HMCN2: variants seen among roughly 807,000 people sequenced by gnomAD.
HMCN2 encodes hemicentin 2.
In HMCN2, 325 loss-of-function variants were observed where a neutral mutation model predicts 377.5. The ratio of observed to expected loss-of-function variants is 0.86; its 90% CI spans 0.79 to 0.94. HMCN2 has a LOEUF of 0.94. Ranked by LOEUF, HMCN2 falls within the 40% of genes least tolerant of loss-of-function variation. HMCN2 has a pLI of 0.00. For synonymous variants in HMCN2, 2,007 were observed against 2,046.8 expected (o/e 0.98, Z 0.53); for missense variants, 4,543 against 4,725.3 (o/e 0.96, Z 1.13).
chr9:130,284,487 G>T (rs765160687), intron 1 of HMCN2, 116 bp from the exon 2 acceptor site: 122 of 429,068 alleles, frequency 2.8e-4, no homozygotes, highest in Non-Finnish European at 5.5e-4. Flanking sequence ...TCCCCGTCTT[G>T]TGTGCCAGCC....
chr9:130,345,293 G>A (rs1839319860), intron 25 of HMCN2, among the ~76,000 whole-genome samples: 1 of 144,494 alleles, frequency 6.9e-6, no homozygotes, highest in African/African-American at 2.6e-5. Flanking sequence ...GTGTGTACGT[G>A]GTGTGTGGTG....
chr9:130,417,253 C>T (rs7030258), intron 85 of HMCN2, among the ~76,000 whole-genome samples: 57,203 of 151,810 alleles, frequency 0.38, 11,499 homozygotes, highest in Non-Finnish European at 0.45. Context: ...CGGACATGGT[C>T]GCTCATGACT....
At position 130,379,439 on chromosome 9, in the gene HMCN2, G is replaced by C. The variant is rs1352053371; in HGVS notation, c.8403G>C (p.Ser2801=). ...LTWYREDQPL[S]AGDEVSVLQG... The stretch of plus-strand genomic sequence containing the variant: ...GGTACAGAGAGGATCAGCCCCTCTC[G>C]GCCGGGGATGAGGTGTCTGTGCTGC... The change falls in exon 54 of 98, where the codon TCG becomes TCC. Residue 2801 remains serine, a synonymous_variant. Coordinates refer to ENST00000683500, the MANE Select transcript of HMCN2 (RefSeq NM_001291815.2). The C allele has an allele frequency of 1.0e-5, 10 of 985,710 alleles. No individual in the cohort carries two copies. Among genetic ancestry groups the C allele is most frequent in the African/African-American group, 1.7e-5 (1 of 57,222 alleles). 61.1% of individuals were successfully genotyped at this position (985,710 alleles called of 1,614,324 possible). A position where few individuals can be genotyped will look rare whatever the true frequency, so the allele number is the denominator to read the frequency against.
chr9:130,377,682 G>T lies in HMCN2; in HGVS notation c.8095G>T (p.Gly2699Cys). 1.0e-6 allele frequency: 1 copy of T among 985,946 alleles called. No individual in the cohort carries two copies. The highest frequency in any genetic ancestry group is 1.2e-6 in the Non-Finnish European group (1 of 829,986). The allele number at this position is 985,946 out of a possible 1,614,324, so 61.1% of individuals were successfully genotyped here. A position where few individuals can be genotyped will look rare whatever the true frequency, so the allele number is the denominator to read the frequency against. Reference sequence around the variant, plus strand: ...CCCCAGCTCGCGGCTGCAGGTCCTGGGTGAAGGGCGACTGCTCCAGATCCA... The same window carrying T: ...CCCCAGCTCGCGGCTGCAGGTCCTGTGTGAAGGGCGACTGCTCCAGATCCA... ...VTPSSRLQVL[G>C]EGRLLQIQPT... is the part of the protein sequence containing the mutation. The change falls in exon 53 of 98, where the codon GGT becomes TGT. Residue 2699 changes from glycine (G) to cysteine (C), a missense_variant. Gly to Cys is a radical substitution (Grantham distance 159). Transcript: ENST00000683500.
In HMCN2 at chr9:130,349,078, G is replaced by C; in HGVS notation, c.4250G>C (p.Arg1417Pro). The C allele has an allele frequency of 7.7e-7, 1 of 1,304,188 alleles. No homozygotes were observed. Among genetic ancestry groups the C allele is most frequent in the Non-Finnish European group, 1.0e-6 (1 of 988,920 alleles). The allele number at this position is 1,304,188 out of a possible 1,614,324, so 80.8% of individuals were successfully genotyped here. Residue 1417 changes from arginine (R) to proline (P), a missense_variant, in exon 28 of 98, where the codon CGG (arginine) becomes CCG (proline). Coordinates refer to ENST00000683500, the MANE Select transcript of HMCN2 (RefSeq NM_001291815.2). ...QEGDSGLYSC[R>P]AENQAGTAQR... is the part of the protein sequence containing the mutation. ...GGTGATTCTGGGCTCTACTCCTGCC[G>C]GGCAGAGAACCAGGCTGGCACCGCC...
rs1445507765 is a variant in HMCN2, at chr9:130,395,271, A to G, written c.10835A>G (p.Gln3612Arg). 15 of 1,289,248 alleles carry G rather than the reference A, an allele frequency of 1.2e-5. No individual in the cohort carries two copies. Among genetic ancestry groups the G allele is most frequent in the Non-Finnish European group, 1.5e-5 (15 of 988,694 alleles). 79.9% of individuals were successfully genotyped at this position (1,289,248 alleles called of 1,614,324 possible). A position where few individuals can be genotyped will look rare whatever the true frequency, so the allele number is the denominator to read the frequency against. Reference sequence around the variant, plus strand: ...TTTGTGGTCGGCCTGGCCCCAGGGCAGCTGGTCCTGGAGTGTTCGGTGGAG... The same window carrying G: ...TTTGTGGTCGGCCTGGCCCCAGGGCGGCTGGTCCTGGAGTGTTCGGTGGAG... ...PRFVVGLAPG[Q>R]LVLECSVEAE... Residue 3612 changes from glutamine (Q) to arginine (R), a missense_variant, in exon 71 of 98, where the codon CAG becomes CGG. Physicochemically the swap from Gln to Arg is conservative, Grantham distance 43 (BLOSUM62 1). Coordinates refer to ENST00000683500, the MANE Select transcript of HMCN2 (RefSeq NM_001291815.2).
At chr9:130,410,191 C>T (rs1843336778) in intron 84 of HMCN2, among the ~76,000 whole-genome samples, 1 of 152,182 alleles carries the variant, frequency 6.6e-6, no homozygotes, top group Non-Finnish European at 1.5e-5. Context: ...CAATGTCTCC[C>T]AAACTTACTT....
At chr9:130,344,756 G>C (rs1465147239) in intron 25 of HMCN2, among the ~76,000 whole-genome samples, 1 of 142,484 alleles carries the variant, frequency 7.0e-6, no homozygotes, top group Non-Finnish European at 1.5e-5. Flanking sequence ...GTGTGTGTAT[G>C]GTGTTTTGTG....
intron 1 of HMCN2, among the ~76,000 whole-genome samples, chr9:130,272,664 T>C (rs553863981): frequency 5.3e-5 from 8 of 152,198 alleles, no homozygotes; most frequent in Admixed American, 5.2e-4. Flanking sequence ...TCCTCCCACT[T>C]CACCCCCAGA....
In HMCN2 at chr9:130,394,447, A is replaced by G. The variant is rs1003316937; in HGVS notation, c.10564A>G (p.Met3522Val). The part of the protein sequence containing the change: ...TELSLTPGAP[M>V]ELLCDAQGTP... ...GCTGTCGCTGACCCCCGGCGCCCCCATGGAGCTCCTCTGTGATGCCCAGGG... is the reference window on the plus strand; with the variant it reads ...GCTGTCGCTGACCCCCGGCGCCCCCGTGGAGCTCCTCTGTGATGCCCAGGG... The change falls in exon 69 of 98, where the codon ATG (methionine) becomes GTG (valine). Residue 3522 changes from methionine to valine, a missense_variant. Met to Val is a conservative substitution (Grantham distance 21). Around this residue, in one of 5 missense-constraint regions of HMCN2, gnomAD observed 1,073 missense variants for 1,319.5 expected, o/e 0.81. Transcript: ENST00000683500. The surrounding 1 kb of genome is among the most constrained non-coding windows in gnomAD (Gnocchi z 5.1). 3.1e-6 allele frequency: 4 copies of G among 1,289,684 alleles called. No individual in the cohort carries two copies. Among genetic ancestry groups the G allele is most frequent in the East Asian group, 5.6e-5 (1 of 18,018 alleles). The allele number at this position is 1,289,684 out of a possible 1,614,324, so 79.9% of individuals were successfully genotyped here. A position where few individuals can be genotyped will look rare whatever the true frequency, so the allele number is the denominator to read the frequency against.
At chr9:130,280,533 G>C (rs1376468176) in intron 1 of HMCN2, among the ~76,000 whole-genome samples, 5 of 152,048 alleles carry the variant, frequency 3.3e-5, no homozygotes, top group African/African-American at 1.2e-4. Flanking sequence ...AGGAAACTGA[G>C]ACAGAGGCCA....
At chr9:130,316,676 A>G (rs1371512954) in intron 15 of HMCN2, among the ~76,000 whole-genome samples, 4 of 152,140 alleles carry the variant, frequency 2.6e-5, no homozygotes, top group Non-Finnish European at 4.4e-5. Flanking sequence ...GCCCCAGAAA[A>G]CTGACTGTGG....
intron 14 of HMCN2, 141 bp from the exon 15 acceptor site, chr9:130,309,771 G>A (rs570246524): frequency 9.2e-6 from 3 of 327,156 alleles, no homozygotes; most frequent in African/African-American, 2.2e-5. Flanking sequence ...CTGACCTTGG[G>A]GCTTAAACCT....
chr9:130,325,259 C>G (rs1838073357), intron 19 of HMCN2, among the ~76,000 whole-genome samples: 1 of 151,696 alleles, frequency 6.6e-6, no homozygotes, highest in Admixed American at 6.6e-5. Context: ...CCATGCACAG[C>G]TAATTTTTGT....
At position 130,427,588 on chromosome 9, in the gene HMCN2, C is replaced by T. The variant is rs1007208316; in HGVS notation, c.14034C>T (p.Phe4678=). ...TCTCCTGCACCTGCCCCACTGGCTTCGCCCTGGCCTGGGATGACAGGAACT... is the reference window on the plus strand; with the variant it reads ...TCTCCTGCACCTGCCCCACTGGCTTTGCCCTGGCCTGGGATGACAGGAACT... The part of the protein sequence containing the change: ...GRFSCTCPTG[F]ALAWDDRNCR... Residue 4678 remains phenylalanine (F), a synonymous_variant, in exon 92 of 98, where the codon TTC becomes TTT. Transcript: ENST00000683500. 7.7e-6 allele frequency: 12 copies of T among 1,550,464 alleles called. No homozygotes were observed. The highest frequency in any genetic ancestry group is 5.9e-5 in the Admixed American group (3 of 51,010).
chr9:130,406,113 C>A lies in HMCN2; in HGVS notation c.12498C>A (p.Ala4166=), dbSNP rs1396552229. ...ACAGGCTGTGGCTTCGCTGTGCAGCCCGGGGCAGCCCCACCCCTCGCATTG... is the reference window on the plus strand; with the variant it reads ...ACAGGCTGTGGCTTCGCTGTGCAGCACGGGGCAGCCCCACCCCTCGCATTG... ...LGDRLWLRCA[A]RGSPTPRIGW... is the part of the protein sequence containing the mutation. The change falls in exon 82 of 98, where the codon GCC becomes GCA. Residue 4166 remains alanine (A), a synonymous_variant. Coordinates refer to ENST00000683500, the MANE Select transcript of HMCN2 (RefSeq NM_001291815.2). 2 of 1,289,840 alleles carry A rather than the reference C, an allele frequency of 1.6e-6. No homozygotes were observed. Among genetic ancestry groups the A allele is most frequent in the Middle Eastern group, 2.1e-4 (1 of 4,696 alleles). The allele number at this position is 1,289,840 out of a possible 1,614,324, so 79.9% of individuals were successfully genotyped here.
intron 48 of HMCN2, among the ~76,000 whole-genome samples, chr9:130,374,148 T>C (rs750843057): frequency 6.0e-5 from 9 of 149,200 alleles, no homozygotes; most frequent in African/African-American, 9.9e-5. Context: ...GATGAATGGA[T>C]GATTGATTGA....
intron 22 of HMCN2, among the ~76,000 whole-genome samples, chr9:130,336,678 G>A (rs1588262475): frequency 6.6e-6 from 1 of 152,140 alleles, no homozygotes; most frequent in Non-Finnish European, 1.5e-5. Flanking sequence ...CTGGATGCTC[G>A]GGACAAAAGG....
chr9:130,359,961 G>A (rs529346766), intron 37 of HMCN2, among the ~76,000 whole-genome samples: 214 of 152,284 alleles, frequency 1.4e-3, no homozygotes, highest in African/African-American at 5.0e-3. Context: ...GGAAGCTGCA[G>A]ATACACGCGG....
Sources: gnomAD v4.1 joint callset for allele counts (sites outside exome capture counted in the v4.1 genomes callset) on GRCh38, gnomAD v4.1.1 for gene constraint, gnomAD v4.1.1 regional missense constraint, Gnocchi (gnomAD v3.1) non-coding constraint, MANE v1.5 for transcripts, NCBI Gene and HGNC (gene_info 2026-07-23, HGNC 2026-07-21) for gene names.